ZNF454: variants seen among roughly 807,000 people sequenced by gnomAD.
The protein encoded by ZNF454 is zinc finger protein 454.
In ZNF454, 30 loss-of-function variants were observed where a neutral mutation model predicts 48.2. The observed-to-expected ratio is 0.62, with a 90% confidence interval of 0.47 to 0.84. ZNF454 has a LOEUF of 0.84. Among genes scored for constraint, ZNF454 ranks in the 40% least tolerant of loss-of-function variants. ZNF454 has a pLI of 0.00. For synonymous variants in ZNF454, 204 were observed against 211.4 expected (o/e 0.97, Z 0.30); for missense variants, 510 against 623.1 (o/e 0.82, Z 1.93).
At chr5:178,959,940 T>G (rs1759937481) in intron 4 of ZNF454, among the ~76,000 whole-genome samples, 1 of 150,918 alleles carries the variant, frequency 6.6e-6, no homozygotes, top group Non-Finnish European at 1.5e-5. Context: ...TTCTTTCTTT[T>G]CTTTTCTTTT....
At chr5:178,942,046 T>A (rs900054743) in intron 1 of ZNF454, among the ~76,000 whole-genome samples, 6 of 152,156 alleles carry the variant, frequency 3.9e-5, no homozygotes, top group African/African-American at 1.2e-4. Flanking sequence ...CCGTTGCCTC[T>A]CCCCAGCGCT....
rs1263671542 is a variant in ZNF454, at chr5:178,946,476, G to T, written c.151G>T (p.Val51Phe). The T allele has an allele frequency of 1.3e-6, 2 of 1,598,376 alleles. No homozygotes were observed. The highest frequency in any genetic ancestry group is 1.7e-6 in the Non-Finnish European group (2 of 1,175,712). ...DVMLENYSNL[V>F]SLGLLGPKPD... is the part of the protein sequence containing the mutation. ...GATGCTGGAGAACTACAGCAACCTG[G>T]TCTCACTGGGTAAGTGGGACCCCTG... Residue 51 changes from valine (V) to phenylalanine (F), a missense_variant, in exon 3 of 5, where the codon GTC becomes TTC. By Grantham distance (50) the Val-to-Phe change is conservative. This residue lies in a region of ZNF454 where 354 missense variants were observed against 408.9 expected (regional missense o/e 0.87). Transcript: ENST00000519564. The surrounding 1 kb of genome is among the most constrained non-coding windows in gnomAD (Gnocchi z 4.5).
At chr5:178,973,537 G>C in the ZNF454 span, among the ~76,000 whole-genome samples, 14 of 151,892 alleles carry the variant, frequency 9.2e-5, no homozygotes, top group African/African-American at 3.4e-4. Flanking sequence ...TGTCTTTACT[G>C]ATTAAAAAAA....
chr5:178,954,733 C>T (rs866779270), intron 4 of ZNF454, among the ~76,000 whole-genome samples: 2 of 152,206 alleles, frequency 1.3e-5, no homozygotes, highest in African/African-American at 2.4e-5. Context: ...CCCCTGCCCA[C>T]AGGGCCTGGC....
In ZNF454 at chr5:178,965,102, A is replaced by G; in HGVS notation, c.698A>G (p.His233Arg). 1 of 1,614,198 alleles carries G rather than the reference A, an allele frequency of 6.2e-7. No homozygotes were observed. The highest frequency in any genetic ancestry group is 8.5e-7 in the Non-Finnish European group (1 of 1,180,030). The change falls in exon 5 of 5, where the codon CAT becomes CGT. Residue 233 changes from histidine (H) to arginine (R), a missense_variant. Coordinates refer to ENST00000519564, the MANE Select transcript of ZNF454 (RefSeq NM_001178089.3). This position sits in a 1 kb window ranked among gnomAD's most constrained non-coding sequence, Gnocchi z 5.2. ...KAFHQSTHLI[H>R]HQRIHTGEKP... is the part of the protein sequence containing the mutation. ...TTTCACCAGAGTACGCACCTTATCC[A>G]TCACCAAAGAATTCACACTGGCGAG... is the stretch of plus-strand genomic sequence containing the variant.
At position 178,946,995 on chromosome 5, in the gene ZNF454, C is replaced by G. The variant is rs753058762; in HGVS notation, c.250+9C>G. The G allele has an allele frequency of 1.2e-6, 2 of 1,612,710 alleles. No homozygotes were observed. Among genetic ancestry groups the G allele is most frequent in the Non-Finnish European group, 1.7e-6 (2 of 1,179,224 alleles). ...TGGAGGCTTCTGTCTTGGTAAGAAT[C>G]ATGTGTGTGGGAGACACCGGGAGGA... On this transcript the variant is annotated intron_variant, in intron 4 of 4. Coordinates refer to ENST00000519564, the MANE Select transcript of ZNF454 (RefSeq NM_001178089.3). The surrounding 1 kb of genome is among the most constrained non-coding windows in gnomAD (Gnocchi z 4.5).
the ZNF454 span, chr5:178,977,421 G>T: frequency 2.2e-6 from 1 of 456,336 alleles, no homozygotes; most frequent in South Asian, 1.5e-5. Flanking sequence ...CTGGTGTCTT[G>T]CTCTTGGACT....
chr5:178,963,421 C>T (rs555163137), intron 4 of ZNF454, among the ~76,000 whole-genome samples: 1 of 151,900 alleles, frequency 6.6e-6, no homozygotes, highest in South Asian at 2.1e-4. Flanking sequence ...GTTTACCTTT[C>T]TTTTCCTAGT....
the ZNF454 span, chr5:178,985,404 TA>T: frequency 0.29 from 90,376 of 314,430 alleles, 5,610 homozygotes; most frequent in Non-Finnish European, 0.31. Context: ...CCTGTGGCCT[TA>T]AAAAAAAAAA....
rs1760102152 is a variant in ZNF454 at position 178,965,045 on chromosome 5, A to G, written c.641A>G (p.Lys214Arg). The G allele has an allele frequency of 2.5e-6, 4 of 1,614,246 alleles. No homozygotes were observed. The highest frequency in any genetic ancestry group is 3.4e-6 in the Non-Finnish European group (4 of 1,180,044). ...AATCAGAAAATTCATATTAAGGAGA[A>G]AAGATATGAATGTAGAGAATGTGGG... ...NANQKIHIKEKRYECRECGKA... is the reference protein window; with the variant it reads ...NANQKIHIKERRYECRECGKA... The change falls in exon 5 of 5, where the codon AAA (lysine) becomes AGA (arginine). Residue 214 changes from lysine to arginine, a missense_variant. Coordinates refer to ENST00000519564, the MANE Select transcript of ZNF454 (RefSeq NM_001178089.3). The surrounding 1 kb of genome is among the most constrained non-coding windows in gnomAD (Gnocchi z 5.2).
intron 1 of ZNF454, among the ~76,000 whole-genome samples, chr5:178,942,250 T>TA (rs778602511): frequency 3.9e-5 from 6 of 151,926 alleles, no homozygotes; most frequent in Non-Finnish European, 8.8e-5. Context: ...ACTAAAAATA[T>TA]AAAAAATTAG....
the ZNF454 span, chr5:178,985,573 GGC>G: frequency 3.0e-6 from 1 of 338,772 alleles, no homozygotes; most frequent in Non-Finnish European, 5.8e-6. Flanking sequence ...CGTGGTGGCG[GGC>G]GCCTGTAGTC....
rs115355170 is a variant in ZNF454 at position 178,953,960 on chromosome 5, G to A, written c.250+6974G>A. Among the ~76,000 whole-genome samples the A allele has an allele frequency of 3.9e-3, 590 of 152,162 alleles. 1 individual carries two copies. The highest frequency in any genetic ancestry group is 6.8e-3 in the Non-Finnish European group (459 of 67,998). On this transcript the variant is annotated intron_variant, in intron 4 of 4. Coordinates refer to ENST00000519564, the MANE Select transcript of ZNF454 (RefSeq NM_001178089.3). The stretch of plus-strand genomic sequence containing the variant: ...GGCTGAGCATTTAGTGAAACTTTCC[G>A]TCTAAAATTCCTGCCCAACCAGGCA...
At chr5:178,989,751 C>T in the ZNF454 span, 1 of 388,846 alleles carries the variant, frequency 2.6e-6, no homozygotes, top group Non-Finnish European at 4.9e-6. Flanking sequence ...TGTTAGGATG[C>T]TGCTGTGAAG....
At chr5:178,982,297 C>G in the ZNF454 span, among the ~76,000 whole-genome samples, 5,435 of 152,132 alleles carry the variant, frequency 0.036, 177 homozygotes, top group East Asian at 0.15. Flanking sequence ...GCACATGAAG[C>G]CTGGGCGCAG....
At chr5:178,985,677 T>C in the ZNF454 span, 22 of 390,124 alleles carry the variant, frequency 5.6e-5, no homozygotes, top group South Asian at 1.5e-4. Flanking sequence ...CACTCCAGCC[T>C]GGGCGACACA....
At chr5:178,973,112 G>T in the ZNF454 span, among the ~76,000 whole-genome samples, 1 of 137,362 alleles carries the variant, frequency 7.3e-6, no homozygotes, top group African/African-American at 2.8e-5. Flanking sequence ...CCTTCCTTTT[G>T]CTGTCTCTCT....
the ZNF454 span, chr5:178,982,973 G>T: frequency 1.2e-6 from 2 of 1,614,188 alleles, no homozygotes; most frequent in Non-Finnish European, 1.7e-6. Flanking sequence ...TGATGCAGGT[G>T]GTGTACATGG....
chr5:178,975,832 G>A, the ZNF454 span: 4 of 310,136 alleles, frequency 1.3e-5, no homozygotes, highest in South Asian at 1.0e-4. Context: ...GCTGACTTTA[G>A]GTAAAGGAGA....
Sources: allele counts gnomAD v4.1 joint callset (sites outside exome capture counted in the v4.1 genomes callset), GRCh38; gene constraint gnomAD v4.1.1; regional missense constraint gnomAD v4.1.1; non-coding constraint Gnocchi (gnomAD v3.1); transcripts MANE v1.5; gene names NCBI Gene and HGNC (gene_info 2026-07-23, HGNC 2026-07-21).